Variants in ZNF516 observed in about 807,000 individuals in gnomAD.
The protein encoded by ZNF516 is zinc finger protein 516.
ZNF516 carries 19 observed loss-of-function variants against 79.7 expected under a neutral mutation model. The observed-to-expected ratio is 0.24, with a 90% confidence interval of 0.17 to 0.35. The LOEUF (loss-of-function observed/expected upper bound fraction) is 0.35. ZNF516 is among the 10% of genes least tolerant of loss of function. The pLI, the probability that ZNF516 is intolerant of heterozygous loss-of-function variation, is 1.00. For missense variants in ZNF516, 1,678 were observed against 1,679.5 expected (o/e 1.00, Z 0.02); for synonymous variants, 877 against 739.5 (o/e 1.19, Z -3.02).
At chr18:76,439,400 C>T (rs540567389) in intron 3 of ZNF516, among the ~76,000 whole-genome samples, 2 of 152,280 alleles carry the variant, frequency 1.3e-5, no homozygotes, top group East Asian at 3.9e-4. Context: ...TCTGTCCTCT[C>T]TCAATAAGCT....
chr18:76,481,787 G>T (rs1195814188), intron 1 of ZNF516, among the ~76,000 whole-genome samples: 2 of 152,150 alleles, frequency 1.3e-5, no homozygotes, highest in Non-Finnish European at 2.9e-5. Flanking sequence ...TGAGGCATTT[G>T]CCCAATCTGA....
At chr18:76,464,086 G>A (rs1397321024) in intron 1 of ZNF516, among the ~76,000 whole-genome samples, 1 of 152,154 alleles carries the variant, frequency 6.6e-6, no homozygotes, top group African/African-American at 2.4e-5. Context: ...CACTTTGGGA[G>A]GCTGAGGTGG....
chr18:76,492,970 G>A (rs1345372570), intron 1 of ZNF516: 8 of 985,468 alleles, frequency 8.1e-6, no homozygotes, highest in Middle Eastern at 1.0e-3. Context: ...ATGGGCTCAT[G>A]CACGCGCACG....
chr18:76,448,345 C>CAG (rs1912188302), intron 2 of ZNF516, among the ~76,000 whole-genome samples: 1 of 152,068 alleles, frequency 6.6e-6, no homozygotes, highest in Non-Finnish European at 1.5e-5. Flanking sequence ...CTCTGTAGGC[C>CAG]AGTATTTCAA....
At chr18:76,487,878 T>TCGGC in intron 1 of ZNF516, 1 of 962,732 alleles carries the variant, frequency 1.0e-6, no homozygotes, top group Non-Finnish European at 1.2e-6. Flanking sequence ...CACTACACTT[T>TCGGC]CGGCCAGTCA....
chr18:76,389,045 C>CAAG (rs1371011966), intron 3 of ZNF516: 2 of 152,350 alleles, frequency 1.3e-5, no homozygotes, highest in African/African-American at 4.8e-5. Flanking sequence ...AGAATGACTG[C>CAAG]AAGAATGTGG....
rs2074582922 is a variant in ZNF516 at position 76,364,325 on chromosome 18, C to CATT, written c.3433-1769_3433-1768insAAT. On this transcript the variant is annotated intron_variant, in intron 6 of 6. Transcript: ENST00000443185. ...CATGTTATTATTCAATAAAGCAGCCCTAGAGCATTTTTAAGAAATGAATAA... is the reference window on the plus strand; with the variant it reads ...CATGTTATTATTCAATAAAGCAGCCCATTTAGAGCATTTTTAAGAAATGAATAA... Among the ~76,000 whole-genome samples, 4 of 152,152 alleles carry CATT rather than the reference C, an allele frequency of 2.6e-5. No homozygotes were observed. In the South Asian group the frequency reaches 8.3e-4, roughly 32 times the overall value.
At chr18:76,461,723 T>A (rs1568313035) in intron 2 of ZNF516, among the ~76,000 whole-genome samples, 1 of 152,184 alleles carries the variant, frequency 6.6e-6, no homozygotes, top group Non-Finnish European at 1.5e-5. Flanking sequence ...CAGGTCTCCA[T>A]CCAAGATTCA....
At chr18:76,458,545 T>A (rs1308279642) in intron 2 of ZNF516, among the ~76,000 whole-genome samples, 2 of 152,332 alleles carry the variant, frequency 1.3e-5, no homozygotes, top group Non-Finnish European at 2.9e-5. Context: ...ATCCCGTCCC[T>A]GAGAGGACCA....
intron 3 of ZNF516, among the ~76,000 whole-genome samples, chr18:76,409,070 CTAGACA>C (rs917661849): frequency 1.3e-5 from 2 of 152,108 alleles, no homozygotes; most frequent in Non-Finnish European, 2.9e-5. Context: ...CAGCAAATAA[CTAGACA>C]TAATCATTTA....
At chr18:76,468,748 G>C (rs991661070) in intron 1 of ZNF516, among the ~76,000 whole-genome samples, 12 of 152,116 alleles carry the variant, frequency 7.9e-5, no homozygotes, top group Admixed American at 7.9e-4. Flanking sequence ...TGTAGTCCAA[G>C]ACAGTTCCTC....
chr18:76,382,012 G>C (rs1215401282), intron 3 of ZNF516, among the ~76,000 whole-genome samples: 1 of 152,134 alleles, frequency 6.6e-6, no homozygotes, highest in Non-Finnish European at 1.5e-5. Context: ...CGCGCCTGAA[G>C]TCCCAGCTAC....
intron 2 of ZNF516, among the ~76,000 whole-genome samples, chr18:76,444,217 G>A (rs1350268586): frequency 6.6e-6 from 1 of 152,216 alleles, no homozygotes; most frequent in Non-Finnish European, 1.5e-5. Context: ...AGTCTCTCAG[G>A]TCAGCGTCTG....
Position 76,459,827 on chromosome 18 carries a change from G to C in ZNF516, c.-158+3201C>G, listed in dbSNP as rs1004247745. 1.1e-4 allele frequency among the ~76,000 whole-genome samples: 16 copies of C among 152,150 alleles called. No individual in the cohort carries two copies. The highest frequency in any genetic ancestry group is 3.9e-4 in the African/African-American group (16 of 41,444). On this transcript the variant is annotated intron_variant, in intron 2 of 6. Coordinates refer to ENST00000443185, the MANE Select transcript of ZNF516 (RefSeq NM_014643.4). This position sits in a 1 kb window ranked among gnomAD's most constrained non-coding sequence, Gnocchi z 5.0. ...GACGAGGTTAGACGGTGGCAGGCAGGCTAAGAACAGGCGATCCGGCAGGCA... is the reference window on the plus strand; with the variant it reads ...GACGAGGTTAGACGGTGGCAGGCAGCCTAAGAACAGGCGATCCGGCAGGCA...
intron 3 of ZNF516, among the ~76,000 whole-genome samples, chr18:76,405,832 T>C (rs1211221085): frequency 6.6e-6 from 1 of 151,776 alleles, no homozygotes; most frequent in Non-Finnish European, 1.5e-5. Flanking sequence ...TCAGTCAGGG[T>C]CAAAGGCGAC....
chr18:76,368,082 T>G (rs1254725560), intron 6 of ZNF516, among the ~76,000 whole-genome samples: 1 of 152,188 alleles, frequency 6.6e-6, no homozygotes, highest in Non-Finnish European at 1.5e-5. Context: ...ACATGGCTGG[T>G]AAGTATGAAT....
intron 3 of ZNF516, among the ~76,000 whole-genome samples, chr18:76,397,321 G>A (rs574642473): frequency 6.6e-6 from 1 of 151,994 alleles, no homozygotes; most frequent in Admixed American, 6.5e-5. Flanking sequence ...CTAAAGAAAT[G>A]TCTTCAAGAA....
intron 3 of ZNF516, among the ~76,000 whole-genome samples, chr18:76,384,994 C>T (rs2074963191): frequency 6.6e-6 from 1 of 152,244 alleles, no homozygotes; most frequent in Non-Finnish European, 1.5e-5. Context: ...CGGCCCTGTG[C>T]AGAGGGAGCA....
At chr18:76,424,921 G>C (rs1021756504) in intron 3 of ZNF516, among the ~76,000 whole-genome samples, 7 of 143,940 alleles carry the variant, frequency 4.9e-5, no homozygotes, top group Non-Finnish European at 9.0e-5. Context: ...CACACATGCA[G>C]GTGAAAAGGT....
Sources: gnomAD v4.1 joint callset for allele counts (sites outside exome capture counted in the v4.1 genomes callset) on GRCh38, gnomAD v4.1.1 for gene constraint, Gnocchi (gnomAD v3.1) non-coding constraint, MANE v1.5 for transcripts, NCBI Gene and HGNC (gene_info 2026-07-23, HGNC 2026-07-21) for gene names.